The following ABCB5 variants were observed in gnomAD, a reference collection of about 807,000 sequenced individuals.
ABCB5 encodes ATP binding cassette subfamily B member 5.
In ABCB5, 155 loss-of-function variants were observed where a neutral mutation model predicts 144.2. That is an observed-to-expected ratio of 1.08 (90% CI 0.94 to 1.23). The LOEUF is 1.23. Ranked by LOEUF, ABCB5 falls within the 50% of genes most tolerant of loss-of-function variation. ABCB5 has a pLI of 0.00. For missense variants in ABCB5, 1,830 were observed against 1,520.8 expected (o/e 1.20, Z -3.38); for synonymous variants, 610 against 528.6 (o/e 1.15, Z -2.11).
chr7:20,670,741 C>A (rs1008315533), intron 14 of ABCB5, among the ~76,000 whole-genome samples: 1 of 152,166 alleles, frequency 6.6e-6, no homozygotes, highest in Admixed American at 6.5e-5. Flanking sequence ...GAAACCATGT[C>A]TCTAATAAAA....
At chr7:20,632,145 C>T (rs1356680021) in intron 5 of ABCB5, 32 bp downstream of exon 5, 26 of 1,388,724 alleles carry the variant, frequency 1.9e-5, no homozygotes, top group African/African-American at 4.4e-5. Flanking sequence ...ATATCACATT[C>T]GTTGAATGAT....
At chr7:20,641,714 G>A (rs1371545045) in intron 5 of ABCB5, 2 of 152,744 alleles carry the variant, frequency 1.3e-5, no homozygotes, top group Non-Finnish European at 2.9e-5. Context: ...TCTCTTCTCA[G>A]CAAGAATCAT....
At chr7:20,674,150 A>C (rs764161201) in intron 14 of ABCB5, among the ~76,000 whole-genome samples, 1 of 152,012 alleles carries the variant, frequency 6.6e-6, no homozygotes, top group Non-Finnish European at 1.5e-5. Flanking sequence ...ATTAATCATT[A>C]GTTTTTAAAA....
chr7:20,664,371 ATAAC>A (rs1444767930), intron 14 of ABCB5, among the ~76,000 whole-genome samples: 1 of 152,228 alleles, frequency 6.6e-6, no homozygotes, highest in African/African-American at 2.4e-5. Context: ...TATTGTATAA[ATAAC>A]TAGTAGAATT....
chr7:20,734,914 T>A (rs1274320738), intron 23 of ABCB5, among the ~76,000 whole-genome samples: 1 of 152,226 alleles, frequency 6.6e-6, no homozygotes, highest in Non-Finnish European at 1.5e-5. Flanking sequence ...TAGATTTAGA[T>A]GTACAAAATA....
chr7:20,643,607 T>A lies in ABCB5; in HGVS notation c.653T>A (p.Met218Lys), dbSNP rs1434401090. The A allele has an allele frequency of 1.9e-6, 3 of 1,613,854 alleles. No homozygotes were observed. The African/African-American group carries it at 4.0e-5, about 22-fold the overall frequency. Reference sequence around the variant, plus strand: ...ACTCTATCCACGTCTCCTCTTATAATGGCTTCAGCGGCAGCATGTTCTAGG... The same window carrying A: ...ACTCTATCCACGTCTCCTCTTATAAAGGCTTCAGCGGCAGCATGTTCTAGG... ...LVTLSTSPLI[M>K]ASAAACSRMV... Residue 218 changes from methionine to lysine, a missense_variant, in exon 7 of 28, where the codon ATG becomes AAG. Physicochemically the swap from Met to Lys is moderately conservative, Grantham distance 95 (BLOSUM62 -1). Transcript: ENST00000404938.
chr7:20,665,299 G>T (rs987085922), intron 14 of ABCB5, among the ~76,000 whole-genome samples: 1 of 152,066 alleles, frequency 6.6e-6, no homozygotes, highest in Non-Finnish European at 1.5e-5. Context: ...TTTGCTATTT[G>T]TCATCCCCCT....
intron 20 of ABCB5, among the ~76,000 whole-genome samples, chr7:20,715,822 CGA>C (rs1781658353): frequency 6.6e-6 from 1 of 151,538 alleles, no homozygotes; most frequent in African/African-American, 2.4e-5. Context: ...CGGGTTCAAG[CGA>C]CTCTCCTGCC....
intron 26 of ABCB5, among the ~76,000 whole-genome samples, chr7:20,751,869 C>A (rs1195518198): frequency 1.3e-5 from 2 of 152,236 alleles, no homozygotes; most frequent in Non-Finnish European, 2.9e-5. Flanking sequence ...AGTCTGTATT[C>A]TTTGTAGAGC....
chr7:20,755,536 G>A lies in ABCB5; in HGVS notation c.3686G>A (p.Gly1229Glu). ...GATTTGATAGTGGTTCTGCACAATGGAAAGATAAAGGAACAAGGAACTCAT... is the reference window on the plus strand; with the variant it reads ...GATTTGATAGTGGTTCTGCACAATGAAAAGATAAAGGAACAAGGAACTCAT... ...NADLIVVLHN[G>E]KIKEQGTHQE... Residue 1229 changes from glycine to glutamate, a missense_variant, in exon 28 of 28, where the codon GGA becomes GAA. Physicochemically the swap from Gly to Glu is moderately conservative, Grantham distance 98. Coordinates refer to ENST00000404938, the MANE Select transcript of ABCB5 (RefSeq NM_001163941.2). 1 of 1,614,164 alleles carries A rather than the reference G, an allele frequency of 6.2e-7. No individual in the cohort carries two copies. The highest frequency in any genetic ancestry group is 8.5e-7 in the Non-Finnish European group (1 of 1,180,038).
chr7:20,676,569 A>T (rs1785619548), intron 14 of ABCB5, among the ~76,000 whole-genome samples: 1 of 152,170 alleles, frequency 6.6e-6, no homozygotes, highest in South Asian at 2.1e-4. Context: ...AGACAATAGG[A>T]TGGTGGCTGC....
chr7:20,616,507 A>T (rs1377672779), intron 1 of ABCB5, among the ~76,000 whole-genome samples: 1 of 152,198 alleles, frequency 6.6e-6, no homozygotes, highest in Non-Finnish European at 1.5e-5. Context: ...GAACCTAGAA[A>T]TATTTTTTAA....
At chr7:20,631,975 T>C (rs1279397175) in intron 4 of ABCB5, 84 bp from the exon 5 acceptor site, 43 of 756,074 alleles carry the variant, frequency 5.7e-5, no homozygotes, top group Admixed American at 2.0e-4. Flanking sequence ...GAGTGCACTA[T>C]ATTTGGTTTG....
chr7:20,751,642 G>A (rs1218068850), intron 26 of ABCB5, among the ~76,000 whole-genome samples: 1 of 152,104 alleles, frequency 6.6e-6, no homozygotes, highest in Non-Finnish European at 1.5e-5. Context: ...AAGCTAGGCT[G>A]GCAGAAAGGG....
In ABCB5 at chr7:20,737,696, A is replaced by C. The variant is rs116737668; in HGVS notation, c.2868-1287A>C. ...TCCCAGCTCACCTGCTGATTCTTGG[A>C]TCAGACTGAGGCTTAAGTCTGACAG... is the stretch of plus-strand genomic sequence containing the variant. On this transcript the variant is annotated intron_variant, in intron 23 of 27. Transcript: ENST00000404938. 6.8e-3 allele frequency among the ~76,000 whole-genome samples: 1,036 copies of C among 152,232 alleles called. 10 individuals are homozygous for C. Among genetic ancestry groups the C allele is most frequent in the African/African-American group, 0.024 (980 of 41,530 alleles).
chr7:20,640,160 C>A (rs115934727), intron 5 of ABCB5, among the ~76,000 whole-genome samples: 2,480 of 152,102 alleles, frequency 0.016, 58 homozygotes, highest in African/African-American at 0.056. Flanking sequence ...TCCATCCTAT[C>A]CTTGAATAGT....
intron 9 of ABCB5, among the ~76,000 whole-genome samples, chr7:20,646,361 A>G (rs972051348): frequency 5.3e-5 from 8 of 152,218 alleles, no homozygotes; most frequent in African/African-American, 1.9e-4. Flanking sequence ...AAGCATCTGC[A>G]TTCCGCTTTT....
At chr7:20,744,086 A>G (rs1053150473) in intron 25 of ABCB5, among the ~76,000 whole-genome samples, 1 of 151,518 alleles carries the variant, frequency 6.6e-6, no homozygotes, top group Non-Finnish European at 1.5e-5. Context: ...TTTTTTTGAG[A>G]CAGAGTCTTG....
chr7:20,734,751 A>C (rs1179776440), intron 23 of ABCB5, among the ~76,000 whole-genome samples: 3 of 152,150 alleles, frequency 2.0e-5, no homozygotes, highest in African/African-American at 7.2e-5. Flanking sequence ...ATAAGGTGAT[A>C]ACATTTTCAT....
Sources: gnomAD v4.1 joint callset for allele counts (sites outside exome capture counted in the v4.1 genomes callset) on GRCh38, gnomAD v4.1.1 for gene constraint, MANE v1.5 for transcripts, NCBI Gene and HGNC (gene_info 2026-07-23, HGNC 2026-07-21) for gene names.